The following LRP12 variants were observed in gnomAD, a reference collection of about 807,000 sequenced individuals.
LRP12 encodes the protein low-density lipoprotein receptor-related protein 12.
Under a neutral mutation model 66.0 loss-of-function variants are expected in LRP12, and 14 were observed. That is an observed-to-expected ratio of 0.21 (90% CI 0.14 to 0.33). The LOEUF is 0.33. Among genes scored for constraint, LRP12 ranks in the 10% least tolerant of loss-of-function variants. LRP12 has a pLI of 1.00. For synonymous variants in LRP12, 357 were observed against 359.1 expected (o/e 0.99, Z 0.07); for missense variants, 889 against 1,053.4 (o/e 0.84, Z 2.16).
intron 2 of LRP12, among the ~76,000 whole-genome samples, chr8:104,519,481 C>T (rs751351183): frequency 6.6e-6 from 1 of 152,024 alleles, no homozygotes; most frequent in Non-Finnish European, 1.5e-5. Context: ...AATATTTGCG[C>T]ATACATACTG....
chr8:104,526,963 C>T (rs1404319865), intron 2 of LRP12, among the ~76,000 whole-genome samples: 2 of 148,188 alleles, frequency 1.3e-5, no homozygotes, highest in Non-Finnish European at 2.9e-5. Context: ...CCAGAATCTA[C>T]AATGAACTCA....
At position 104,524,794 on chromosome 8, in the gene LRP12, G is replaced by A. The variant is rs1811205213; in HGVS notation, c.136+7113C>T. Among the ~76,000 whole-genome samples the A allele has an allele frequency of 2.0e-5, 3 of 151,834 alleles. No individual in the cohort carries two copies. The South Asian group carries it at 6.2e-4, about 32-fold the overall frequency. On this transcript the variant is annotated intron_variant, in intron 2 of 6. Coordinates refer to ENST00000276654, the MANE Select transcript of LRP12 (RefSeq NM_013437.5). ...ATGAAACTTGTGTAATAGAATTTGT[G>A]AAAACAAAAAACTTGATTTAGAAGT...
chr8:104,541,122 A>C (rs770890533), intron 1 of LRP12, among the ~76,000 whole-genome samples: 1 of 152,198 alleles, frequency 6.6e-6, no homozygotes, highest in African/African-American at 2.4e-5. Context: ...TTATGTTTGA[A>C]ATGTCTTGGA....
rs113267347 is a variant in LRP12, at chr8:104,557,342, G to A, written c.80-25379C>T. Among the ~76,000 whole-genome samples, 669 of 152,146 alleles carry A rather than the reference G, an allele frequency of 4.4e-3. 7 individuals are homozygous for A. Among genetic ancestry groups the A allele is most frequent in the African/African-American group, 0.015 (628 of 41,520 alleles). ...TTGGTAAAAAGGGAGTCAAACTGTC[G>A]CTGTTTGCCAATGATATAATCCCAT... On this transcript the variant is annotated intron_variant, in intron 1 of 6. Transcript: ENST00000276654.
At chr8:104,572,387 A>T (rs1812094153) in intron 1 of LRP12, among the ~76,000 whole-genome samples, 1 of 152,214 alleles carries the variant, frequency 6.6e-6, no homozygotes, top group Non-Finnish European at 1.5e-5. Flanking sequence ...CCAGAAAAAA[A>T]GAGAGTCAGT....
At chr8:104,548,602 TTA>T (rs1227212797) in intron 1 of LRP12, among the ~76,000 whole-genome samples, 1,808 of 109,956 alleles carry the variant, frequency 0.016, 30 homozygotes, top group Middle Eastern at 0.026. Context: ...TAATATAGAA[TTA>T]TATAATTAAA....
chr8:104,496,549 A>G (rs920463398), intron 5 of LRP12, among the ~76,000 whole-genome samples: 1 of 152,020 alleles, frequency 6.6e-6, no homozygotes, highest in Non-Finnish European at 1.5e-5. Flanking sequence ...CCATGCCCCA[A>G]TTCCTTCCTC....
rs200842562 is a variant in LRP12 at position 104,510,497 on chromosome 8, C to CT, written c.137-1424dup. Among the ~76,000 whole-genome samples the CT allele has an allele frequency of 9.9e-3, 1,510 of 152,260 alleles. 29 individuals are homozygous for CT. The highest frequency in any genetic ancestry group is 0.034 in the African/African-American group (1,414 of 41,550). ...GATTATTCTTGCACTATCTGGAACT[C>CT]TCGTTGCAATATAGTTAACATTATC... On this transcript the variant is annotated intron_variant, in intron 2 of 6. Coordinates refer to ENST00000276654, the MANE Select transcript of LRP12 (RefSeq NM_013437.5).
At chr8:104,549,139 T>A in intron 1 of LRP12, among the ~76,000 whole-genome samples, 1 of 152,024 alleles carries the variant, frequency 6.6e-6, no homozygotes, top group East Asian at 1.9e-4. Context: ...GTAATTCCTG[T>A]CCATTAAAAA....
In LRP12 at chr8:104,588,995, CGCCGA is replaced by C; in HGVS notation, c.-103_-99del. 2.3e-6 allele frequency: 2 copies of C among 872,472 alleles called. No individual in the cohort carries two copies. The highest frequency in any genetic ancestry group is 3.4e-6 in the Non-Finnish European group (2 of 584,010). The allele number at this position is 872,472 out of a possible 1,614,324, so 54.0% of individuals were successfully genotyped here. A position where few individuals can be genotyped will look rare whatever the true frequency, so the allele number is the denominator to read the frequency against. On this transcript the variant is annotated 5_prime_UTR_variant, in exon 1 of 7. Coordinates refer to ENST00000276654, the MANE Select transcript of LRP12 (RefSeq NM_013437.5). ...ACGCCGCCGCCGCCGCCGCCGCCGC[CGCCGA>C]GCCACCGGCTGCTCCCTGCGCTCTC... is the stretch of plus-strand genomic sequence containing the variant.
At chr8:104,572,648 T>C (rs1278780687) in intron 1 of LRP12, among the ~76,000 whole-genome samples, 3 of 151,900 alleles carry the variant, frequency 2.0e-5, no homozygotes, top group South Asian at 2.1e-4. Flanking sequence ...ATCACGGATG[T>C]AGAAAATATT....
chr8:104,501,673 C>T (rs1423193608), intron 3 of LRP12, among the ~76,000 whole-genome samples: 1 of 149,530 alleles, frequency 6.7e-6, no homozygotes, highest in African/African-American at 2.5e-5. Flanking sequence ...CACTGCACCC[C>T]AGCCTGGGCG....
intron 2 of LRP12, among the ~76,000 whole-genome samples, chr8:104,511,893 GCTT>G (rs1184863739): frequency 6.6e-6 from 1 of 151,368 alleles, no homozygotes; most frequent in African/African-American, 2.4e-5. Context: ...CATAGTCAAA[GCTT>G]CTTTTTTTCT....
At chr8:104,537,513 G>T (rs185370958) in intron 1 of LRP12, among the ~76,000 whole-genome samples, 1 of 152,232 alleles carries the variant, frequency 6.6e-6, no homozygotes, top group African/African-American at 2.4e-5. Context: ...AAAGTGGAGA[G>T]ACCTTGATAA....
At chr8:104,567,959 G>C (rs958842448) in intron 1 of LRP12, among the ~76,000 whole-genome samples, 1 of 152,060 alleles carries the variant, frequency 6.6e-6, no homozygotes, top group African/African-American at 2.4e-5. Flanking sequence ...AAGAAATCCA[G>C]AATAGCAAAA....
intron 1 of LRP12, among the ~76,000 whole-genome samples, chr8:104,586,714 G>A (rs1812338509): frequency 6.6e-6 from 1 of 152,086 alleles, no homozygotes; most frequent in Non-Finnish European, 1.5e-5. Flanking sequence ...ACCCACATAT[G>A]GTTAGAGACA....
rs751939301 is a variant in LRP12 at position 104,491,451 on chromosome 8, T to C, written c.1802A>G (p.Asn601Ser). The part of the protein sequence containing the change: ...VRLPMAGRSS[N>S]IWNRIFNFAR... ...AAAATTAAAAATACGGTTCCAAATG[T>C]TGCTTGATCTGCCTGCCATAGGAAG... The change falls in exon 7 of 7, where the codon AAC (asparagine) becomes AGC (serine). Residue 601 changes from asparagine to serine, a missense_variant. Physicochemically the swap from Asn to Ser is conservative, Grantham distance 46. Coordinates refer to ENST00000276654, the MANE Select transcript of LRP12 (RefSeq NM_013437.5). 20 of 1,613,994 alleles carry C rather than the reference T, an allele frequency of 1.2e-5. No homozygotes were observed. The highest frequency in any genetic ancestry group is 1.5e-5 in the Non-Finnish European group (18 of 1,180,020).
Position 104,489,880 on chromosome 8 carries a change from C to G in LRP12, c.*793G>C, listed in dbSNP as rs973057262. On this transcript the variant is annotated 3_prime_UTR_variant, in exon 7 of 7. Coordinates refer to ENST00000276654, the MANE Select transcript of LRP12 (RefSeq NM_013437.5). ...ATTACCAGGTGGAACTTATCTTGTA[C>G]AATTTTTGTACATGTTTTATAAAGT... 6.6e-6 allele frequency: 1 copy of G among 152,542 alleles called. No individual in the cohort carries two copies. The highest frequency in any genetic ancestry group is 1.9e-4 in the East Asian group (1 of 5,186). 9.4% of individuals were successfully genotyped at this position (152,542 alleles called of 1,614,324 possible).
intron 3 of LRP12, among the ~76,000 whole-genome samples, chr8:104,500,558 C>T (rs1359359005): frequency 1.3e-5 from 2 of 152,110 alleles, no homozygotes; most frequent in African/African-American, 2.4e-5. Context: ...CAAAAATTAG[C>T]CGGGCATGAT....
Sources: allele counts gnomAD v4.1 joint callset (sites outside exome capture counted in the v4.1 genomes callset), GRCh38; gene constraint gnomAD v4.1.1; transcripts MANE v1.5; gene names NCBI Gene and HGNC (gene_info 2026-07-23, HGNC 2026-07-21).